Variants in AXDND1 observed in about 807,000 individuals in gnomAD.
AXDND1 encodes the protein axonemal dynein light chain domain-containing protein 1.
A neutral mutation model predicts 137.5 loss-of-function variants in AXDND1; 110 were observed. The ratio of observed to expected loss-of-function variants is 0.80; its 90% CI spans 0.69 to 0.94. The LOEUF (loss-of-function observed/expected upper bound fraction) is 0.94. Ranked by LOEUF, AXDND1 falls within the 40% of genes least tolerant of loss-of-function variation. The pLI, the probability that AXDND1 is intolerant of heterozygous loss-of-function variation, is 0.00. For synonymous variants in AXDND1, 414 were observed against 399.7 expected, an observed-to-expected ratio of 1.04 and a Z score of -0.43; for missense variants, 1,191 against 1,169.8, an observed-to-expected ratio of 1.02 and a Z score of -0.26.
intron 9 of AXDND1, among the ~76,000 whole-genome samples, chr1:179,392,644 A>T (rs915258635): frequency 6.6e-6 from 1 of 151,982 alleles, no homozygotes; most frequent in South Asian, 2.1e-4. Flanking sequence ...TTTATTTTTG[A>T]TTTTTTAAAT....
intron 21 of AXDND1, among the ~76,000 whole-genome samples, chr1:179,519,365 C>T (rs1361024806): frequency 6.6e-6 from 1 of 152,154 alleles, no homozygotes; most frequent in Non-Finnish European, 1.5e-5. Context: ...GTTTCTTTTA[C>T]TGTCCAGAAG....
At chr1:179,522,714 A>T (rs1177828773) in intron 21 of AXDND1, among the ~76,000 whole-genome samples, 1 of 151,620 alleles carries the variant, frequency 6.6e-6, no homozygotes, top group Non-Finnish European at 1.5e-5. Context: ...TCAGCAAATG[A>T]TAAAAATTGT....
intron 21 of AXDND1, among the ~76,000 whole-genome samples, chr1:179,513,763 G>A (rs1428138623): frequency 1.3e-5 from 2 of 151,882 alleles, no homozygotes; most frequent in East Asian, 3.8e-4. Flanking sequence ...TCTGTTCAGG[G>A]TATCTAATTC....
chr1:179,424,531 G>A (rs539490261), intron 12 of AXDND1, among the ~76,000 whole-genome samples: 54 of 150,446 alleles, frequency 3.6e-4, no homozygotes, highest in Non-Finnish European at 5.6e-4. Flanking sequence ...GGGTTCAAGC[G>A]ATTCTCCTGC....
intron 16 of AXDND1, among the ~76,000 whole-genome samples, chr1:179,458,300 C>G (rs1661713235): frequency 6.6e-6 from 1 of 152,024 alleles, no homozygotes; most frequent in Admixed American, 6.6e-5. Flanking sequence ...TTTTTTATTC[C>G]TAGCTTCATA....
intron 17 of AXDND1, among the ~76,000 whole-genome samples, chr1:179,470,352 C>T (rs1432538015): frequency 6.6e-6 from 1 of 152,048 alleles, no homozygotes; most frequent in Non-Finnish European, 1.5e-5. Context: ...TTTACAAAGA[C>T]ATTAACTAGG....
chr1:179,459,682 T>C (rs1661941941), intron 16 of AXDND1, among the ~76,000 whole-genome samples: 1 of 106,880 alleles, frequency 9.4e-6, no homozygotes, highest in African/African-American at 4.2e-5. Flanking sequence ...TTTTCTCTTC[T>C]TTTCTTTTCT....
At chr1:179,500,555 A>G (rs1043124674) in intron 20 of AXDND1, among the ~76,000 whole-genome samples, 2 of 152,212 alleles carry the variant, frequency 1.3e-5, no homozygotes, top group Non-Finnish European at 2.9e-5. Flanking sequence ...AAGATACACC[A>G]TGTTCATGAA....
rs1672179227 is a variant in AXDND1 at position 179,541,699 on chromosome 1, T to C, written c.3031+6737T>C. 1.4e-5 allele frequency among the ~76,000 whole-genome samples: 2 copies of C among 141,548 alleles called. 1 individual carries two copies. The highest frequency in any genetic ancestry group is 1.4e-4 in the Admixed American group (2 of 14,668). The allele number at this position is 141,548 out of a possible 152,430, so 92.9% of individuals were successfully genotyped here. A position where few individuals can be genotyped will look rare whatever the true frequency, so the allele number is the denominator to read the frequency against. On this transcript the variant is annotated intron_variant, in intron 25 of 25. Coordinates refer to ENST00000367618, the MANE Select transcript of AXDND1 (RefSeq NM_144696.6). ...TAATAATATTGCATGATAATATGCA[T>C]GATAATATATGCATGATAATATATG...
At chr1:179,367,900 C>A (rs968620955) in intron 2 of AXDND1, among the ~76,000 whole-genome samples, 2 of 152,054 alleles carry the variant, frequency 1.3e-5, no homozygotes, top group Non-Finnish European at 2.9e-5. Context: ...CTAGTGTTAT[C>A]CTTACCCGGT....
intron 4 of AXDND1, among the ~76,000 whole-genome samples, chr1:179,370,702 C>T (rs1163326929): frequency 6.6e-6 from 1 of 152,212 alleles, no homozygotes; most frequent in Non-Finnish European, 1.5e-5. Context: ...TATCAATTTA[C>T]TCCATGCATG....
chr1:179,518,360 G>A (rs1669738092), intron 21 of AXDND1, among the ~76,000 whole-genome samples: 1 of 151,038 alleles, frequency 6.6e-6, no homozygotes, highest in South Asian at 2.1e-4. Context: ...TAATTATTGA[G>A]GCTTTATGAT....
chr1:179,484,995 C>T (rs1189723570), intron 18 of AXDND1, among the ~76,000 whole-genome samples: 1 of 151,256 alleles, frequency 6.6e-6, no homozygotes, highest in African/African-American at 2.4e-5. Context: ...ACCTGCCTCC[C>T]ACCTTGTGCA....
At chr1:179,435,449 G>A (rs1320656384) in intron 15 of AXDND1, among the ~76,000 whole-genome samples, 2 of 152,140 alleles carry the variant, frequency 1.3e-5, no homozygotes, top group South Asian at 2.1e-4. Flanking sequence ...TATGCTACAA[G>A]ATGACAGTAA....
At chr1:179,503,464 G>A (rs1299052886) in intron 20 of AXDND1, among the ~76,000 whole-genome samples, 2 of 151,760 alleles carry the variant, frequency 1.3e-5, no homozygotes, top group Non-Finnish European at 2.9e-5. Context: ...GTGAAAAATT[G>A]GATGCACTAA....
intron 16 of AXDND1, chr1:179,448,890 A>AT (rs34365013): frequency 0.016 from 2,477 of 156,464 alleles, 25 homozygotes; most frequent in African/African-American, 0.042. Flanking sequence ...TTTTGAGTTA[A>AT]TTTTTTTTTT....
intron 2 of AXDND1, among the ~76,000 whole-genome samples, chr1:179,368,271 T>G (rs1667668439): frequency 6.6e-6 from 1 of 152,202 alleles, no homozygotes; most frequent in East Asian, 1.9e-4. Context: ...CAGCTCAGAT[T>G]GTTCCACTCT....
intron 18 of AXDND1, among the ~76,000 whole-genome samples, chr1:179,488,582 C>T (rs1206525771): frequency 7.9e-6 from 1 of 125,900 alleles, no homozygotes; most frequent in Admixed American, 8.3e-5. Flanking sequence ...ATCTTTCTTT[C>T]TCTCTCTCTT....
intron 25 of AXDND1, among the ~76,000 whole-genome samples, chr1:179,546,566 A>C (rs1672666687): frequency 6.6e-6 from 1 of 152,130 alleles, no homozygotes; most frequent in African/African-American, 2.4e-5. Flanking sequence ...GAGACTAGCC[A>C]TTCTGTACTT....
Sources: allele counts gnomAD v4.1 joint callset (sites outside exome capture counted in the v4.1 genomes callset), GRCh38; gene constraint gnomAD v4.1.1; transcripts MANE v1.5; gene names NCBI Gene and HGNC (gene_info 2026-07-23, HGNC 2026-07-21).